The following CCSER1 variants were observed in gnomAD, a reference collection of about 807,000 sequenced individuals.
CCSER1 encodes the protein serine-rich coiled-coil domain-containing protein 1.
A neutral mutation model predicts 82.0 loss-of-function variants in CCSER1; 41 were observed. The observed-to-expected ratio is 0.50, with a 90% CI of 0.39 to 0.65. CCSER1 has a LOEUF of 0.65. CCSER1 is among the 30% of genes least tolerant of loss of function. CCSER1 has a pLI of 0.00. For synonymous variants in CCSER1, 414 were observed against 383.9 expected (o/e 1.08, Z -0.92); for missense variants, 1,119 against 1,064.2 (o/e 1.05, Z -0.72).
chr4:90,324,514 GTTGT>G lies in CCSER1; in HGVS notation c.1509+11474_1509+11477del, dbSNP rs1243457727. Among the ~76,000 whole-genome samples, 3 of 150,576 alleles carry G rather than the reference GTTGT, an allele frequency of 2.0e-5. No individual in the cohort carries two copies. The South Asian group carries it at 6.5e-4, about 32-fold the overall frequency. On this transcript the variant is annotated intron_variant, in intron 3 of 10. Coordinates refer to ENST00000509176, the MANE Select transcript of CCSER1 (RefSeq NM_001145065.2). ...TGTCCTTCGCCCACTTTTTGATGGG[GTTGT>G]TTGTTTTTTTCTTGTAAATTTGTTT... is the stretch of plus-strand genomic sequence containing the variant.
intron 10 of CCSER1, among the ~76,000 whole-genome samples, chr4:91,345,435 C>A (rs1054030620): frequency 1.3e-5 from 2 of 151,890 alleles, no homozygotes; most frequent in African/African-American, 4.8e-5. Context: ...GCAATATGAT[C>A]AATTTAAAGT....
intron 10 of CCSER1, among the ~76,000 whole-genome samples, chr4:91,098,207 G>T (rs1724700018): frequency 6.6e-6 from 1 of 152,088 alleles, no homozygotes; most frequent in South Asian, 2.1e-4. Context: ...TCTGATAGTG[G>T]ACTTTATGCC....
In CCSER1 at chr4:90,466,342, T is replaced by C. The variant is rs555565230; in HGVS notation, c.1604-1892T>C. 3.3e-5 allele frequency among the ~76,000 whole-genome samples: 5 copies of C among 152,346 alleles called. No homozygotes were observed. In the South Asian group the frequency reaches 1.0e-3, roughly 32 times the overall value. On this transcript the variant is annotated intron_variant, in intron 4 of 10. Transcript: ENST00000509176. ...CCCCACTGCTGAGATGGATGGGCCA[T>C]AGGCCATGAACCTGTGAGTAGCCCT...
At chr4:91,110,579 A>G (rs1451512916) in intron 10 of CCSER1, among the ~76,000 whole-genome samples, 1 of 151,996 alleles carries the variant, frequency 6.6e-6, no homozygotes, top group Non-Finnish European at 1.5e-5. Context: ...ATAGTACTTG[A>G]CACTTATTTC....
intron 10 of CCSER1, among the ~76,000 whole-genome samples, chr4:91,312,458 G>T (rs1745552157): frequency 6.6e-6 from 1 of 151,732 alleles, no homozygotes; most frequent in Non-Finnish European, 1.5e-5. Context: ...GGTTGCTAGG[G>T]ATATACTGGT....
chr4:90,971,438 C>G (rs1735101584), intron 9 of CCSER1, among the ~76,000 whole-genome samples: 1 of 151,916 alleles, frequency 6.6e-6, no homozygotes. Context: ...AGCCCCTCTT[C>G]CAACCTTGGG....
At chr4:90,435,383 G>A (rs1172729529) in intron 4 of CCSER1, among the ~76,000 whole-genome samples, 1 of 152,056 alleles carries the variant, frequency 6.6e-6, no homozygotes, top group East Asian at 1.9e-4. Context: ...AGAAACAGAA[G>A]CCCTGTTTCT....
Position 91,601,253 on chromosome 4 carries a change from T to C in CCSER1, c.*2196T>C, listed in dbSNP as rs1350821301. 2.0e-5 allele frequency: 3 copies of C among 152,084 alleles called. No homozygotes were observed. In the South Asian group the frequency reaches 6.2e-4, roughly 31 times the overall value. The allele number at this position is 152,084 out of a possible 1,614,324, so 9.4% of individuals were successfully genotyped here. ...CATTTAATAGACATTTTAAGAGATG[T>C]TTTAAACGCTAGTATTTTCTTGAAA... On this transcript the variant is annotated 3_prime_UTR_variant, in exon 11 of 11. Coordinates refer to ENST00000509176, the MANE Select transcript of CCSER1 (RefSeq NM_001145065.2).
intron 5 of CCSER1, among the ~76,000 whole-genome samples, chr4:90,620,950 A>G (rs982142183): frequency 2.0e-5 from 3 of 152,038 alleles, no homozygotes; most frequent in Non-Finnish European, 4.4e-5. Flanking sequence ...AGTATCTGAC[A>G]TTATGGTCGT....
intron 9 of CCSER1, among the ~76,000 whole-genome samples, chr4:91,006,685 G>A (rs1738545178): frequency 1.3e-5 from 2 of 151,880 alleles, no homozygotes; most frequent in South Asian, 4.1e-4. Context: ...TAGAGGCGGG[G>A]TTTCATCATG....
rs533674682 is a variant in CCSER1 at position 90,919,762 on chromosome 4, C to T, written c.2095-3608C>T. Among the ~76,000 whole-genome samples the T allele has an allele frequency of 3.4e-4, 51 of 151,818 alleles. 1 individual carries two copies. Among genetic ancestry groups the T allele is most frequent in the African/African-American group, 1.2e-3 (48 of 41,452 alleles). On this transcript the variant is annotated intron_variant, in intron 8 of 10. Coordinates refer to ENST00000509176, the MANE Select transcript of CCSER1 (RefSeq NM_001145065.2). ...ATAGCAATATTATATAACTCAAAAC[C>T]TCCACATATTCAGGACTCAGATTAC...
intron 8 of CCSER1, among the ~76,000 whole-genome samples, chr4:90,917,283 G>A (rs557531563): frequency 1.5e-4 from 23 of 152,134 alleles, no homozygotes; most frequent in Non-Finnish European, 1.6e-4. Flanking sequence ...CAACAATGAT[G>A]GACTGGATTA....
intron 10 of CCSER1, among the ~76,000 whole-genome samples, chr4:91,225,275 T>TG (rs1175632595): frequency 7.4e-6 from 1 of 135,596 alleles, no homozygotes; most frequent in African/African-American, 2.7e-5. Context: ...ATTATATACA[T>TG]TTTATATATG....
intron 6 of CCSER1, chr4:90,663,958 C>A: frequency 1.8e-5 from 4 of 218,304 alleles, no homozygotes; most frequent in South Asian, 4.9e-5. Context: ...TTTGCTACTA[C>A]CATTTAAAAG....
At chr4:90,840,075 C>A (rs1036437784) in intron 8 of CCSER1, among the ~76,000 whole-genome samples, 32 of 151,794 alleles carry the variant, frequency 2.1e-4, no homozygotes, top group Admixed American at 5.9e-4. Flanking sequence ...TATTTTATAG[C>A]ATTCTTTTGA....
At chr4:91,398,248 G>C (rs1049745789) in intron 10 of CCSER1, among the ~76,000 whole-genome samples, 3 of 151,616 alleles carry the variant, frequency 2.0e-5, no homozygotes, top group African/African-American at 7.3e-5. Flanking sequence ...TTAAATATTT[G>C]AGGGCCATGA....
At chr4:90,437,522 T>G (rs1759201044) in intron 4 of CCSER1, among the ~76,000 whole-genome samples, 1 of 152,230 alleles carries the variant, frequency 6.6e-6, no homozygotes, top group Admixed American at 6.5e-5. Context: ...TTAATATCTC[T>G]GAATCCATTT....
chr4:91,232,474 G>T lies in CCSER1; in HGVS notation c.2217+146480G>T, dbSNP rs564489582. Among the ~76,000 whole-genome samples the T allele has an allele frequency of 2.6e-5, 4 of 151,892 alleles. No homozygotes were observed. In the East Asian group the frequency reaches 7.7e-4, roughly 29 times the overall value. ...TTAAGGGGAAAAGATACAGCATAGT[G>T]TATATAATATACTATCATTTGGATA... On this transcript the variant is annotated intron_variant, in intron 10 of 10. Transcript: ENST00000509176.
chr4:90,835,230 C>G (rs1231621375), intron 8 of CCSER1, among the ~76,000 whole-genome samples: 1 of 152,136 alleles, frequency 6.6e-6, no homozygotes, highest in Non-Finnish European at 1.5e-5. Context: ...ACTCAGGAGG[C>G]TGAGGCAGGA....
Sources: gnomAD v4.1 joint callset for allele counts (sites outside exome capture counted in the v4.1 genomes callset) on GRCh38, gnomAD v4.1.1 for gene constraint, MANE v1.5 for transcripts, NCBI Gene and HGNC (gene_info 2026-07-23, HGNC 2026-07-21) for gene names.